The following SCLT1 variants were observed in gnomAD, a reference collection of about 807,000 sequenced individuals.
SCLT1 encodes sodium channel and clathrin linker 1.
Under a neutral mutation model 112.8 loss-of-function variants are expected in SCLT1, and 78 were observed. That is an observed-to-expected ratio of 0.69 (90% CI 0.58 to 0.83). SCLT1 has a LOEUF of 0.83. Ranked by LOEUF, SCLT1 falls within the 40% of genes least tolerant of loss-of-function variation. The probability of loss-of-function intolerance (pLI) is 0.00; values close to 1 mark genes in which losing one functional copy is unlikely to be tolerated. For missense variants in SCLT1, 747 were observed against 770.4 expected (o/e 0.97, Z 0.36); for synonymous variants, 257 against 254.7 (o/e 1.01, Z -0.09).
chr4:128,991,077 A>T (rs1048174576), intron 9 of SCLT1, among the ~76,000 whole-genome samples: 1 of 151,902 alleles, frequency 6.6e-6, no homozygotes, highest in East Asian at 1.9e-4. Flanking sequence ...TAGAAAAAAA[A>T]TCCTAAAATT....
At chr4:129,063,586 G>C (rs1413519911) in intron 2 of SCLT1, among the ~76,000 whole-genome samples, 1 of 152,206 alleles carries the variant, frequency 6.6e-6, no homozygotes, top group Non-Finnish European at 1.5e-5. Flanking sequence ...AAGGAGGGCA[G>C]TAATGCATAT....
At chr4:129,092,554 C>T (rs1752940189) in intron 1 of SCLT1, among the ~76,000 whole-genome samples, 1 of 152,318 alleles carries the variant, frequency 6.6e-6, no homozygotes, top group Admixed American at 6.5e-5. Flanking sequence ...TTTCCAACAA[C>T]CCTATGAGAC....
chr4:128,889,863 C>T (rs1733176621), intron 19 of SCLT1, among the ~76,000 whole-genome samples: 1 of 152,258 alleles, frequency 6.6e-6, no homozygotes, highest in East Asian at 1.9e-4. Flanking sequence ...CTATGAAGAA[C>T]CAGAAACTTA....
downstream of SCLT1, among the ~76,000 whole-genome samples, chr4:128,882,146 C>T (rs1419473496): frequency 6.6e-6 from 1 of 152,064 alleles, no homozygotes; most frequent in African/African-American, 2.4e-5. Context: ...GTGCTTTCTT[C>T]TACAGTCTCA....
Position 129,066,115 on chromosome 4 carries a change from ACTT to A in SCLT1, c.102+16188_102+16190del, listed in dbSNP as rs1236788431. The stretch of plus-strand genomic sequence containing the variant: ...AGAGGCTCATATATGCTAGTGAGGA[ACTT>A]CTTAAGACACAGTAATAAAATTCAC... On this transcript the variant is annotated intron_variant, in intron 2 of 20. Transcript: ENST00000281142. 5.8e-4 allele frequency among the ~76,000 whole-genome samples: 89 copies of A among 152,182 alleles called. 1 individual carries two copies. Among genetic ancestry groups the A allele is most frequent in the Non-Finnish European group, 1.6e-4 (11 of 67,914 alleles).
At chr4:129,025,503 A>C (rs987996790) in intron 5 of SCLT1, among the ~76,000 whole-genome samples, 4 of 152,174 alleles carry the variant, frequency 2.6e-5, no homozygotes, top group Admixed American at 6.5e-5. Flanking sequence ...AAATGCTGAG[A>C]GATTTTGTCA....
intron 9 of SCLT1, among the ~76,000 whole-genome samples, chr4:128,985,231 C>G (rs925192974): frequency 6.6e-6 from 1 of 151,964 alleles, no homozygotes; most frequent in East Asian, 1.9e-4. Context: ...GAACTTTATT[C>G]TCTTGTAATA....
rs182285107 is a variant in SCLT1 at position 128,901,736 on chromosome 4, C to T, written c.1830-10599G>A. Among the ~76,000 whole-genome samples, 98 of 151,878 alleles carry T rather than the reference C, an allele frequency of 6.5e-4. 1 individual carries two copies. The highest frequency in any genetic ancestry group is 2.2e-3 in the African/African-American group (92 of 41,450). On this transcript the variant is annotated intron_variant, in intron 18 of 20. Coordinates refer to ENST00000281142, the MANE Select transcript of SCLT1 (RefSeq NM_144643.4). ...CTTCTTTTCAGGTCTCCTTTCCATT[C>T]ATTTTAATCCAGACAGCTTTCTTTA...
intron 20 of SCLT1, among the ~76,000 whole-genome samples, chr4:128,886,318 A>T (rs910544369): frequency 3.9e-4 from 60 of 152,156 alleles, no homozygotes; most frequent in African/African-American, 1.4e-3. Flanking sequence ...TGAACCAGTA[A>T]CACGATGCTG....
downstream of SCLT1, among the ~76,000 whole-genome samples, chr4:128,883,164 A>C (rs887074881): frequency 1.3e-5 from 2 of 151,008 alleles, no homozygotes; most frequent in African/African-American, 4.8e-5. Context: ...CAACAAAAAA[A>C]AAAAAAAAAA....
intron 5 of SCLT1, among the ~76,000 whole-genome samples, chr4:129,020,598 G>C (rs898318934): frequency 6.6e-6 from 1 of 152,090 alleles, no homozygotes; most frequent in Non-Finnish European, 1.5e-5. Context: ...CTACATAGAG[G>C]GGTACCACCA....
chr4:129,000,414 T>A (rs1465432973), intron 6 of SCLT1, among the ~76,000 whole-genome samples: 1 of 152,054 alleles, frequency 6.6e-6, no homozygotes, highest in African/African-American at 2.4e-5. Context: ...TTTATAATTA[T>A]AATTTTCTCA....
rs528753136 is a variant in SCLT1, at chr4:128,952,675, A to C, written c.1218+94T>G. ...CACCTAGCCAGGGCTTGGTTTAATAAGTATCTTTTGAATGAATGAATCCCC... is the reference window on the plus strand; with the variant it reads ...CACCTAGCCAGGGCTTGGTTTAATACGTATCTTTTGAATGAATGAATCCCC... On this transcript the variant is annotated intron_variant, in intron 14 of 20. Coordinates refer to ENST00000281142, the MANE Select transcript of SCLT1 (RefSeq NM_144643.4). 54 of 802,700 alleles carry C rather than the reference A, an allele frequency of 6.7e-5. 1 individual carries two copies. In the Admixed American group the frequency reaches 1.0e-3, roughly 15 times the overall value. 49.7% of individuals were successfully genotyped at this position (802,700 alleles called of 1,614,324 possible).
intron 9 of SCLT1, among the ~76,000 whole-genome samples, chr4:128,990,441 C>T (rs577157185): frequency 6.6e-6 from 1 of 151,980 alleles, no homozygotes; most frequent in East Asian, 1.9e-4. Flanking sequence ...AGAAACATAT[C>T]TCAACAAAGT....
chr4:129,069,408 G>C (rs1365731364), intron 2 of SCLT1, among the ~76,000 whole-genome samples: 1 of 152,112 alleles, frequency 6.6e-6, no homozygotes, highest in Non-Finnish European at 1.5e-5. Context: ...ATGAGTATGA[G>C]ATGTGTTTCT....
chr4:128,936,546 T>C (rs916843593), intron 18 of SCLT1, 109 bp downstream of exon 18: 4 of 545,290 alleles, frequency 7.3e-6, no homozygotes, highest in Middle Eastern at 4.7e-4. Context: ...AAGAAAAAGG[T>C]AAGGTCCAGA....
chr4:128,948,614 T>A, intron 14 of SCLT1, 44 bp from the exon 15 acceptor site: 1 of 1,408,868 alleles, frequency 7.1e-7, no homozygotes, highest in Non-Finnish European at 9.9e-7. Flanking sequence ...TTTGGTAACA[T>A]CTTAAGAAAA....
At chr4:128,988,885 A>G (rs1045339133) in intron 9 of SCLT1, among the ~76,000 whole-genome samples, 3 of 151,976 alleles carry the variant, frequency 2.0e-5, no homozygotes, top group Admixed American at 1.3e-4. Flanking sequence ...AGAGTCAAAA[A>G]TGTTATTATA....
intron 20 of SCLT1, among the ~76,000 whole-genome samples, chr4:128,888,273 G>A (rs1319279782): frequency 6.6e-6 from 1 of 151,738 alleles, no homozygotes; most frequent in Non-Finnish European, 1.5e-5. Context: ...CTGGAGTGCA[G>A]TAGCACAAAC....
Sources: allele counts gnomAD v4.1 joint callset (sites outside exome capture counted in the v4.1 genomes callset), GRCh38; gene constraint gnomAD v4.1.1; transcripts MANE v1.5; gene names NCBI Gene and HGNC (gene_info 2026-07-23, HGNC 2026-07-21).